NEDD4L: variants seen among roughly 807,000 people sequenced by gnomAD.
The protein encoded by NEDD4L is E3 ubiquitin-protein ligase NEDD4-like.
A neutral mutation model predicts 148.9 loss-of-function variants in NEDD4L; 54 were observed. The observed-to-expected ratio is 0.36, with a 90% CI of 0.29 to 0.45. The LOEUF is 0.45. Among genes scored for constraint, NEDD4L ranks in the 20% least tolerant of loss-of-function variants. The pLI, the probability that NEDD4L is intolerant of heterozygous loss-of-function variation, is 1.00. For synonymous variants in NEDD4L, 433 were observed against 440.7 expected (o/e 0.98, Z 0.22); for missense variants, 856 against 1,233.8 (o/e 0.69, Z 4.59).
intron 25 of NEDD4L, among the ~76,000 whole-genome samples, 180 bp downstream of exon 25, chr18:58,383,499 T>TGTC (rs1469100140): frequency 6.6e-6 from 1 of 152,212 alleles, no homozygotes; most frequent in Admixed American, 6.5e-5. Context: ...ATGGAAAGTC[T>TGTC]GTCTTGTATC....
Position 58,046,286 on chromosome 18 carries a change from A to T in NEDD4L, c.48+1578A>T, listed in dbSNP as rs2081580225. 3 of 151,550 alleles carry T rather than the reference A, an allele frequency of 2.0e-5. No individual in the cohort carries two copies. The South Asian group carries it at 6.3e-4, about 32-fold the overall frequency. The allele number at this position is 151,550 out of a possible 1,614,324, so 9.4% of individuals were successfully genotyped here. ...CTCTCCCTCCTGGCTTCTCTCTTTG[A>T]GGAGCTTTCCCTTGCATCCTCTACT... is the stretch of plus-strand genomic sequence containing the variant. On this transcript the variant is annotated intron_variant, in intron 1 of 30. Transcript: ENST00000400345.
At chr18:58,070,447 T>C (rs866286600) in intron 1 of NEDD4L, among the ~76,000 whole-genome samples, 1 of 152,028 alleles carries the variant, frequency 6.6e-6, no homozygotes, top group Non-Finnish European at 1.5e-5. Context: ...CTTTTAATTT[T>C]TTTTGTAGAG....
chr18:58,144,398 A>G (rs2033888348), intron 1 of NEDD4L, among the ~76,000 whole-genome samples: 1 of 152,010 alleles, frequency 6.6e-6, no homozygotes, highest in African/African-American at 2.4e-5. Context: ...ACCAGATCTC[A>G]TGAGAACTCA....
At chr18:58,181,907 C>T (rs2038903504) in intron 2 of NEDD4L, among the ~76,000 whole-genome samples, 1 of 152,120 alleles carries the variant, frequency 6.6e-6, no homozygotes, top group African/African-American at 2.4e-5. Flanking sequence ...GAAAGAGACT[C>T]AGAAGAGGCT....
At chr18:58,272,778 C>G (rs2051244948) in intron 5 of NEDD4L, among the ~76,000 whole-genome samples, 1 of 152,184 alleles carries the variant, frequency 6.6e-6, no homozygotes, top group African/African-American at 2.4e-5. Flanking sequence ...TTCTGCTGTC[C>G]AGGTACTGTG....
chr18:58,351,974 A>G (rs1012827966), intron 18 of NEDD4L, among the ~76,000 whole-genome samples: 5 of 152,188 alleles, frequency 3.3e-5, no homozygotes, highest in Non-Finnish European at 5.9e-5. Flanking sequence ...TACGTTTTTC[A>G]GATGTTACTA....
In NEDD4L at chr18:58,390,821, C is replaced by T. The variant is rs530024307; in HGVS notation, c.2752+79C>T. ...ATGAACTCTGGCCCAAGAACCCTGC[C>T]GCCAGGCCTCTGCAGAAGGCTAAGT... On this transcript the variant is annotated intron_variant, in intron 29 of 30. Transcript: ENST00000400345. The T allele has an allele frequency of 1.4e-5, 14 of 981,258 alleles. No homozygotes were observed. The East Asian group carries it at 2.1e-4, about 15-fold the overall frequency. The allele number at this position is 981,258 out of a possible 1,614,324, so 60.8% of individuals were successfully genotyped here.
At chr18:58,139,210 T>C (rs7235498) in intron 1 of NEDD4L, among the ~76,000 whole-genome samples, 46,755 of 152,116 alleles carry the variant, frequency 0.31, 7,515 homozygotes, top group Non-Finnish European at 0.36. Context: ...ACTGCATGCA[T>C]AGTCTAGGGC....
intron 5 of NEDD4L, among the ~76,000 whole-genome samples, chr18:58,293,953 G>A (rs1433139076): frequency 6.6e-6 from 1 of 152,096 alleles, no homozygotes; most frequent in Non-Finnish European, 1.5e-5. Flanking sequence ...GAACTCCTGG[G>A]CTCAAGTGAT....
chr18:58,255,592 G>A (rs1236975561), intron 5 of NEDD4L: 9 of 1,232,156 alleles, frequency 7.3e-6, no homozygotes, highest in East Asian at 6.3e-5. Flanking sequence ...TGGCAGTGTC[G>A]GGCCTGTTGT....
intron 2 of NEDD4L, among the ~76,000 whole-genome samples, chr18:58,237,237 G>C (rs2046142617): frequency 6.6e-6 from 1 of 152,052 alleles, no homozygotes; most frequent in Non-Finnish European, 1.5e-5. Context: ...CCACTTTGGT[G>C]CCCACCACAG....
intron 5 of NEDD4L, among the ~76,000 whole-genome samples, chr18:58,278,277 C>T (rs908376859): frequency 7.9e-5 from 12 of 152,148 alleles, no homozygotes; most frequent in African/African-American, 2.9e-4. Flanking sequence ...TCAGCATGGC[C>T]AGCGCTATCT....
chr18:58,317,759 A>G (rs926718031), intron 6 of NEDD4L, among the ~76,000 whole-genome samples: 4 of 152,220 alleles, frequency 2.6e-5, no homozygotes, highest in African/African-American at 9.6e-5. Context: ...GGGCAGGAAT[A>G]GAAGCCAGCC....
intron 1 of NEDD4L, among the ~76,000 whole-genome samples, chr18:58,082,916 A>G (rs77888389): frequency 0.074 from 11,273 of 152,086 alleles, 529 homozygotes; most frequent in East Asian, 0.17. Context: ...TTTCTGTATT[A>G]CAAATAAGGT....
intron 1 of NEDD4L, among the ~76,000 whole-genome samples, chr18:58,057,884 A>G (rs181958144): frequency 7.2e-4 from 109 of 152,346 alleles, no homozygotes; most frequent in Admixed American, 5.9e-3. Flanking sequence ...CAACAGGGGC[A>G]GTTTAACCCA....
At chr18:58,278,657 GC>G (rs1260678341) in intron 5 of NEDD4L, among the ~76,000 whole-genome samples, 1 of 152,098 alleles carries the variant, frequency 6.6e-6, no homozygotes, top group African/African-American at 2.4e-5. Flanking sequence ...GTGTGCAGGA[GC>G]CTTCCCTCCC....
intron 1 of NEDD4L, among the ~76,000 whole-genome samples, chr18:58,137,811 C>T (rs1419236618): frequency 6.6e-6 from 1 of 152,214 alleles, no homozygotes; most frequent in Non-Finnish European, 1.5e-5. Flanking sequence ...TCTGTAAACA[C>T]TCTTGACACG....
intron 5 of NEDD4L, among the ~76,000 whole-genome samples, chr18:58,301,002 T>C (rs758395205): frequency 6.6e-6 from 1 of 152,200 alleles, no homozygotes; most frequent in Non-Finnish European, 1.5e-5. Flanking sequence ...AAAGAATCTT[T>C]GAATCGCCGA....
chr18:58,316,247 G>C (rs894162995), intron 6 of NEDD4L, among the ~76,000 whole-genome samples: 21 of 152,134 alleles, frequency 1.4e-4, no homozygotes, highest in African/African-American at 4.8e-4. Flanking sequence ...CCTGAGTCGT[G>C]CGCTTGCGTT....
Sources: gnomAD v4.1 joint callset for allele counts (sites outside exome capture counted in the v4.1 genomes callset) on GRCh38, gnomAD v4.1.1 for gene constraint, MANE v1.5 for transcripts, NCBI Gene and HGNC (gene_info 2026-07-23, HGNC 2026-07-21) for gene names.